Variants in PARVB observed in about 807,000 individuals in gnomAD.
The protein encoded by PARVB is beta-parvin.
Under a neutral mutation model 47.0 loss-of-function variants are expected in PARVB, and 46 were observed. That is an observed-to-expected ratio of 0.98 (90% CI 0.77 to 1.25). The LOEUF (loss-of-function observed/expected upper bound fraction) is 1.25. PARVB is among the 50% of genes most tolerant of loss of function. PARVB has a pLI of 0.00. For synonymous variants in PARVB, 196 were observed against 196.3 expected, an observed-to-expected ratio of 1.00 and a Z score of 0.01; for missense variants, 473 against 471.6, an observed-to-expected ratio of 1.00 and a Z score of -0.03.
intron 3 of PARVB, chr22:44,115,095 C>G (rs1437183395): frequency 1.3e-5 from 1 of 78,460 alleles, no homozygotes; most frequent in South Asian, 4.6e-4. Flanking sequence ...TAAGGCCCTG[C>G]ACCAGAACGG....
chr22:44,133,951 G>A (rs968383417), intron 6 of PARVB, among the ~76,000 whole-genome samples: 9 of 152,340 alleles, frequency 5.9e-5, no homozygotes, highest in African/African-American at 1.4e-4. Context: ...ATAGGCTGCC[G>A]AGCCACTAAA....
Position 44,024,458 on chromosome 22 carries a change from G to T in PARVB, c.112+7G>T. On this transcript the variant is annotated splice_region_variant and intron_variant, in intron 1 of 12. Coordinates refer to ENST00000338758, the MANE Select transcript of PARVB (RefSeq NM_013327.5). ...AAGCGGAGGGCGCGCGAGGGTGAGT[G>T]CGCGCCCGCGCCCGCCGACCCCCGG... 8.7e-7 allele frequency: 1 copy of T among 1,150,138 alleles called. No homozygotes were observed. The highest frequency in any genetic ancestry group is 1.1e-6 in the Non-Finnish European group (1 of 934,260). The allele number at this position is 1,150,138 out of a possible 1,614,324, so 71.2% of individuals were successfully genotyped here.
chr22:44,147,041 C>G (rs1024344874), intron 8 of PARVB: 1 of 157,482 alleles, frequency 6.3e-6, no homozygotes, highest in African/African-American at 2.4e-5. Context: ...CCATATGCCC[C>G]TATGGAACTC....
At chr22:44,014,999 C>T (rs914506738) in intron 2 of PARVB, among the ~76,000 whole-genome samples, 3 of 151,846 alleles carry the variant, frequency 2.0e-5, no homozygotes, top group African/African-American at 4.8e-5. Flanking sequence ...TGTAGGTGCC[C>T]GCCACCATGC....
intron 1 of PARVB, among the ~76,000 whole-genome samples, chr22:44,034,333 TGTTTGAG>T (rs1370742284): frequency 1.1e-5 from 1 of 91,782 alleles, no homozygotes; most frequent in Non-Finnish European, 2.7e-5. Flanking sequence ...TACATATATA[TGTTTGAG>T]ATGGGGGTCT....
intron 1 of PARVB, among the ~76,000 whole-genome samples, chr22:44,079,925 C>G (rs2051862174): frequency 6.6e-6 from 1 of 152,110 alleles, no homozygotes; most frequent in Non-Finnish European, 1.5e-5. Context: ...AAGACTCCTT[C>G]TCAAAAAAAA....
intron 5 of PARVB, among the ~76,000 whole-genome samples, chr22:44,132,564 G>A (rs753427746): frequency 2.6e-4 from 39 of 152,144 alleles, no homozygotes; most frequent in Non-Finnish European, 1.0e-4. Flanking sequence ...GTAAGTGGCC[G>A]TGACCTGCTT....
intron 7 of PARVB, among the ~76,000 whole-genome samples, chr22:44,138,700 G>T (rs1240451084): frequency 6.6e-6 from 1 of 152,118 alleles, no homozygotes; most frequent in Non-Finnish European, 1.5e-5. Flanking sequence ...CCCCTTCCAG[G>T]AAGCCCTCCT....
intron 1 of PARVB, among the ~76,000 whole-genome samples, chr22:44,058,304 A>T (rs777760364): frequency 6.6e-6 from 1 of 152,018 alleles, no homozygotes; most frequent in Non-Finnish European, 1.5e-5. Context: ...GTCCTGGCAT[A>T]TCTTGATTTG....
At chr22:44,093,604 T>C (rs2147044782) in intron 1 of PARVB, among the ~76,000 whole-genome samples, 1 of 152,304 alleles carries the variant, frequency 6.6e-6, no homozygotes, top group Admixed American at 6.5e-5. Flanking sequence ...TTTGTCTGCC[T>C]CAGCAGTCTT....
At chr22:44,003,126 G>A (rs2050429379) in intron 2 of PARVB, among the ~76,000 whole-genome samples, 2 of 152,086 alleles carry the variant, frequency 1.3e-5, no homozygotes, top group Admixed American at 1.3e-4. Flanking sequence ...CCCTACATTT[G>A]TCACTAGATG....
intron 1 of PARVB, among the ~76,000 whole-genome samples, chr22:44,080,855 A>C (rs192935039): frequency 2.0e-5 from 3 of 152,374 alleles, no homozygotes; most frequent in East Asian, 3.9e-4. Context: ...CAGGGGAGAC[A>C]GAGCAGGCCA....
At chr22:44,106,738 C>T (rs1041918074) in intron 3 of PARVB, 2 of 152,196 alleles carry the variant, frequency 1.3e-5, no homozygotes, top group South Asian at 2.1e-4. Flanking sequence ...GTAGACACCC[C>T]CTCTGACCTC....
At chr22:44,151,945 T>A (rs963299249) in intron 10 of PARVB, 1 of 196,248 alleles carries the variant, frequency 5.1e-6, no homozygotes, top group African/African-American at 2.3e-5. Flanking sequence ...ATCACTCCCT[T>A]CTTTGCCTTC....
chr22:44,074,266 C>T (rs939759996), intron 1 of PARVB, among the ~76,000 whole-genome samples: 12 of 152,192 alleles, frequency 7.9e-5, no homozygotes, highest in African/African-American at 2.4e-4. Flanking sequence ...AGCCCCTGAT[C>T]GGTTCTGTTG....
intron 8 of PARVB, 150 bp from the exon 9 acceptor site, chr22:44,147,711 T>C (rs1373349735): frequency 1.3e-6 from 1 of 780,132 alleles, no homozygotes. Flanking sequence ...GTCAGCCCTT[T>C]CATTCTGGTA....
At chr22:44,066,780 TCTCCTC>T (rs199990350) in intron 1 of PARVB, among the ~76,000 whole-genome samples, 1,895 of 48,102 alleles carry the variant, frequency 0.039, 41 homozygotes, top group African/African-American at 0.1. Context: ...CTTAATTATT[TCTCCTC>T]CTCCTCCTCC....
intron 1 of PARVB, among the ~76,000 whole-genome samples, chr22:44,041,321 A>C (rs1569070185): frequency 1.3e-5 from 2 of 151,850 alleles, no homozygotes; most frequent in Non-Finnish European, 2.9e-5. Context: ...GTGAAACTCC[A>C]TCTCTACAAA....
At chr22:44,042,994 C>A (rs2051046688) in intron 1 of PARVB, among the ~76,000 whole-genome samples, 1 of 152,116 alleles carries the variant, frequency 6.6e-6, no homozygotes, top group African/African-American at 2.4e-5. Context: ...GTGGAGTGGA[C>A]CCAACCCAGA....
Sources: gnomAD v4.1 joint callset for allele counts (sites outside exome capture counted in the v4.1 genomes callset) on GRCh38, gnomAD v4.1.1 for gene constraint, MANE v1.5 for transcripts, NCBI Gene and HGNC (gene_info 2026-07-23, HGNC 2026-07-21) for gene names.